UNC79: variants seen among roughly 807,000 people sequenced by gnomAD.
UNC79 encodes protein unc-79 homolog.
A neutral mutation model predicts 283.1 loss-of-function variants in UNC79; 37 were observed. The observed-to-expected ratio is 0.13, with a 90% CI of 0.10 to 0.17. The LOEUF is 0.17. Ranked by LOEUF, UNC79 falls within the 10% of genes least tolerant of loss-of-function variation. UNC79 has a pLI of 1.00. For synonymous variants in UNC79, 1,107 were observed against 1,200.2 expected, an observed-to-expected ratio of 0.92 and a Z score of 1.61; for missense variants, 2,272 against 3,211.1, an observed-to-expected ratio of 0.71 and a Z score of 7.07.
rs765552226 is a variant in UNC79 at position 93,653,828 on chromosome 14, C to T, written c.6170C>T (p.Pro2057Leu). 3.9e-5 allele frequency: 63 copies of T among 1,614,046 alleles called. No homozygotes were observed. The highest frequency in any genetic ancestry group is 3.6e-4 in the South Asian group (33 of 91,088). Reference sequence around the variant, plus strand: ...CAGTTGGCCCCCAACGGCATCTTCCCGCAGCTGTTCCAAAGCACGATCAAA... The same window carrying T: ...CAGTTGGCCCCCAACGGCATCTTCCTGCAGCTGTTCCAAAGCACGATCAAA... Residue 2057 changes from proline to leucine, a missense_variant, in exon 36 of 49, where the codon CCG (proline) becomes CTG (leucine). This residue lies in a region of UNC79 where 287 missense variants were observed against 446.4 expected (regional missense o/e 0.64). Transcript: ENST00000555664.
intron 47 of UNC79, among the ~76,000 whole-genome samples, chr14:93,699,640 A>G (rs1047753512): frequency 1.3e-4 from 20 of 152,320 alleles, no homozygotes; most frequent in South Asian, 6.2e-4. Context: ...TCTGCCTTCA[A>G]GGAATATTAT....
At chr14:93,622,427 C>T in exon 30 of UNC79, 2 of 1,614,180 alleles carry the variant, frequency 1.2e-6, no homozygotes, top group Admixed American at 3.3e-5. Flanking sequence ...GCCAGAGGAG[C>T]TGCCAGAGTT....
intron 42 of UNC79, among the ~76,000 whole-genome samples, chr14:93,685,676 G>T (rs1015280721): frequency 6.6e-6 from 1 of 152,182 alleles, no homozygotes; most frequent in Non-Finnish European, 1.5e-5. Context: ...AGAAAGCCGA[G>T]GAAGGCCTTT....
intron 1 of UNC79, among the ~76,000 whole-genome samples, chr14:93,392,875 C>A (rs994275430): frequency 6.6e-6 from 1 of 152,156 alleles, no homozygotes; most frequent in Non-Finnish European, 1.5e-5. Context: ...AGGATTTGGG[C>A]TAAAGTAGAC....
At chr14:93,467,911 T>C (rs2140270191) in intron 2 of UNC79, 120 bp downstream of exon 2, 1 of 1,221,114 alleles carries the variant, frequency 8.2e-7, no homozygotes, top group Non-Finnish European at 1.1e-6. Flanking sequence ...TAGTGCTCTG[T>C]CAGAAGAGTC....
chr14:93,583,803 C>CTTT (rs386382193), intron 20 of UNC79, among the ~76,000 whole-genome samples: 23 of 127,166 alleles, frequency 1.8e-4, no homozygotes, highest in African/African-American at 5.7e-4. Context: ...TGTTGGAGGT[C>CTTT]TTTTTTTTTT....
At chr14:93,632,959 C>A (rs1015370604) in intron 31 of UNC79, among the ~76,000 whole-genome samples, 3 of 151,824 alleles carry the variant, frequency 2.0e-5, no homozygotes, top group Admixed American at 2.0e-4. Flanking sequence ...TGCCTGGTAC[C>A]TTATACACTG....
intron 31 of UNC79, 50 bp downstream of exon 34, chr14:93,634,687 A>G (rs1371030216): frequency 2.1e-6 from 3 of 1,455,400 alleles, no homozygotes; most frequent in Non-Finnish European, 2.9e-6. Context: ...AGTGAATGCT[A>G]CTTTCTCTGT....
At position 93,702,206 on chromosome 14, in the gene UNC79, G is replaced by A. The variant is rs142400202; in HGVS notation, c.7549-2419G>A. On this transcript the variant is annotated intron_variant, in intron 47 of 48. Transcript: ENST00000555664. ...TCTAGAGGAGCCAGTCCTAGTAAGG[G>A]TCAGAGGGCACAGCCTTATCTGGTA... 3.3e-3 allele frequency among the ~76,000 whole-genome samples: 504 copies of A among 152,248 alleles called. 3 individuals are homozygous for A. The highest frequency in any genetic ancestry group is 0.012 in the African/African-American group (478 of 41,538).
intron 40 of UNC79, among the ~76,000 whole-genome samples, chr14:93,666,143 A>G (rs2072178126): frequency 6.6e-6 from 1 of 152,078 alleles, no homozygotes; most frequent in Admixed American, 6.6e-5. Flanking sequence ...GACAGAGATA[A>G]TGAATAACTT....
chr14:93,564,125 A>T (rs551779181), intron 14 of UNC79, among the ~76,000 whole-genome samples: 22 of 152,326 alleles, frequency 1.4e-4, no homozygotes, highest in African/African-American at 5.3e-4. Flanking sequence ...ACAGCCCTGC[A>T]CTTCGGCTGT....
At chr14:93,448,930 A>G (rs2056549240) in intron 1 of UNC79, among the ~76,000 whole-genome samples, 1 of 152,186 alleles carries the variant, frequency 6.6e-6, no homozygotes, top group Non-Finnish European at 1.5e-5. Context: ...TTCAGATCTT[A>G]TCACTTGAGG....
In UNC79 at chr14:93,621,510, G is replaced by A. The variant is rs1314962091; in HGVS notation, c.4388-111G>A. ...GCCAGAAAGTTCGTTTTCCCTCCTG[G>A]TGGAGCTGGGATTGTGATGATGATT... On this transcript the variant is annotated intron_variant, in intron 29 of 48. Coordinates refer to ENST00000555664, the Ensembl canonical transcript of UNC79. The surrounding 1 kb of genome is among the most constrained non-coding windows in gnomAD (Gnocchi z 4.8). 3.1e-6 allele frequency: 4 copies of A among 1,298,140 alleles called. No individual in the cohort carries two copies. The highest frequency in any genetic ancestry group is 4.0e-6 in the Non-Finnish European group (4 of 992,280). The allele number at this position is 1,298,140 out of a possible 1,614,324, so 80.4% of individuals were successfully genotyped here. A position where few individuals can be genotyped will look rare whatever the true frequency, so the allele number is the denominator to read the frequency against.
At chr14:93,677,518 C>T (rs1198231359) in intron 41 of UNC79, among the ~76,000 whole-genome samples, 1 of 152,174 alleles carries the variant, frequency 6.6e-6, no homozygotes, top group Admixed American at 6.5e-5. Flanking sequence ...GGGGAAACCA[C>T]CCTCACCATT....
chr14:93,541,823 G>A (rs528378849), intron 13 of UNC79, among the ~76,000 whole-genome samples: 2 of 152,172 alleles, frequency 1.3e-5, no homozygotes, highest in Non-Finnish European at 2.9e-5. Flanking sequence ...GGCTAACACA[G>A]TGAAACCCTG....
chr14:93,659,102 T>C (rs920411206), intron 38 of UNC79, 91 bp from the exon 42 acceptor site: 4 of 1,016,540 alleles, frequency 3.9e-6, no homozygotes, highest in Non-Finnish European at 5.7e-6. Flanking sequence ...GATTTTCCTT[T>C]TGCTAAACTA....
intron 20 of UNC79, among the ~76,000 whole-genome samples, chr14:93,582,850 G>A (rs1004876974): frequency 2.6e-5 from 4 of 152,068 alleles, no homozygotes; most frequent in South Asian, 4.2e-4. Context: ...CTCAGGAATC[G>A]TACTCTAGCT....
intron 32 of UNC79, among the ~76,000 whole-genome samples, chr14:93,640,874 C>T (rs2068960799): frequency 6.6e-6 from 1 of 152,106 alleles, no homozygotes; most frequent in Admixed American, 6.6e-5. Context: ...TCTTTGGACC[C>T]TGCTGGCACA....
intron 7 of UNC79, among the ~76,000 whole-genome samples, chr14:93,512,309 A>G (rs1375633906): frequency 6.6e-6 from 1 of 152,050 alleles, no homozygotes; most frequent in Non-Finnish European, 1.5e-5. Flanking sequence ...GCCTCTTTGA[A>G]AGATTTTCTG....
Sources: allele counts gnomAD v4.1 joint callset (sites outside exome capture counted in the v4.1 genomes callset), GRCh38; gene constraint gnomAD v4.1.1; regional missense constraint gnomAD v4.1.1; non-coding constraint Gnocchi (gnomAD v3.1); transcripts MANE v1.5; gene names NCBI Gene and HGNC (gene_info 2026-07-23, HGNC 2026-07-21).